Variants in SHOX observed in about 807,000 individuals in gnomAD.
SHOX encodes the protein short stature homeobox protein.
A neutral mutation model predicts 29.6 loss-of-function variants in SHOX; 12 were observed. The observed-to-expected ratio is 0.41, with a 90% confidence interval of 0.26 to 0.66. The LOEUF (loss-of-function observed/expected upper bound fraction) is 0.66, where lower values mean the gene tolerates loss of function less well. Among genes scored for constraint, SHOX ranks in the 30% least tolerant of loss-of-function variants. The probability of loss-of-function intolerance (pLI) is 0.35; values close to 1 mark genes in which losing one functional copy is unlikely to be tolerated. For synonymous variants in SHOX, 214 were observed against 200.6 expected (o/e 1.07, Z -0.57); for missense variants, 499 against 437.7 (o/e 1.14, Z -1.25).
chrX:653,331 G>C (rs1052201456), downstream of SHOX, among the ~76,000 whole-genome samples: 1 of 152,156 alleles, frequency 6.6e-6, no homozygotes, highest in East Asian at 1.9e-4. Flanking sequence ...TGTTTTACGT[G>C]GTTTGAGAGA....
chrX:656,841 T>TA, intron 5 of SHOX, among the ~76,000 whole-genome samples: 1 of 38,110 alleles, frequency 2.6e-5, no homozygotes, highest in Non-Finnish European at 5.0e-5. Context: ...AGACTCCGTC[T>TA]CAAAAAAAAA....
downstream of SHOX, among the ~76,000 whole-genome samples, chrX:652,016 G>C (rs774220899): frequency 2.3e-4 from 35 of 151,982 alleles, no homozygotes; most frequent in African/African-American, 8.2e-4. Flanking sequence ...TCCGCCTCCC[G>C]GGTTCAAGCG....
exon 1 of SHOX, chrX:624,509 C>T (rs1460695188): frequency 6.6e-6 from 1 of 152,036 alleles, no homozygotes; most frequent in African/African-American, 2.4e-5. Context: ...CAGCCCGAGT[C>T]CGCACAGGGT....
Position 644,581 on chromosome X carries a change from G to C in SHOX, c.824G>C (p.Ser275Thr). ...GCCAAAAGCAACAGCAAGAATTCCA[G>C]CATCGCCGACCTGCGGCTCAAGGCG... is the stretch of plus-strand genomic sequence containing the variant. Reference protein sequence around the residue: ...AAAKSNSKNSSIADLRLKARK... With the variant: ...AAAKSNSKNSTIADLRLKARK... The change falls in exon 5 of 5, where the codon AGC becomes ACC. Residue 275 changes from serine (S) to threonine (T), a missense_variant. Transcript: ENST00000686671. 1 of 1,514,730 alleles carries C rather than the reference G, an allele frequency of 6.6e-7. No homozygotes were observed. The highest frequency in any genetic ancestry group is 8.8e-7 in the Non-Finnish European group (1 of 1,138,228). The allele number at this position is 1,514,730 out of a possible 1,614,324, so 93.8% of individuals were successfully genotyped here. A position where few individuals can be genotyped will look rare whatever the true frequency, so the allele number is the denominator to read the frequency against.
At chrX:643,707 T>C (rs1244974052) in intron 4 of SHOX, among the ~76,000 whole-genome samples, 1 of 128,514 alleles carries the variant, frequency 7.8e-6, no homozygotes, top group East Asian at 2.4e-4. Context: ...CGGGAGAGGC[T>C]TGGACACCTG....
intron 2 of SHOX, among the ~76,000 whole-genome samples, chrX:635,232 T>C (rs1210224547): frequency 2.0e-5 from 3 of 152,060 alleles, no homozygotes; most frequent in African/African-American, 2.4e-5. Flanking sequence ...AAACAAAACT[T>C]TCCCTGGATT....
chrX:642,745 G>C (rs2052877896), intron 4 of SHOX, among the ~76,000 whole-genome samples: 1 of 152,126 alleles, frequency 6.6e-6, no homozygotes, highest in South Asian at 2.1e-4. Flanking sequence ...TGGTATCCCC[G>C]GGAGAGGCTT....
In SHOX at chrX:644,368, C is replaced by T. The variant is rs374112425; in HGVS notation, c.634-23C>T. The T allele has an allele frequency of 8.0e-4, 1,207 of 1,515,430 alleles. 3 individuals are homozygous for T. The highest frequency in any genetic ancestry group is 9.7e-4 in the Non-Finnish European group (1,110 of 1,139,232). The allele number at this position is 1,515,430 out of a possible 1,614,324, so 93.9% of individuals were successfully genotyped here. On this transcript the variant is annotated intron_variant, in intron 4 of 4. Transcript: ENST00000686671. ...CCCCAGTCCCCATCCTGCGCCCTCA[C>T]CCCGCCGGGTCCGCTCCCGCAGGTC...
At chrX:652,695 G>A (rs749442178), downstream of SHOX, among the ~76,000 whole-genome samples, 163 of 152,310 alleles carry the variant, frequency 1.1e-3, no homozygotes, top group African/African-American at 3.8e-3. Flanking sequence ...TTCAGAGGCC[G>A]TGTGTCCAGG....
upstream of SHOX, among the ~76,000 whole-genome samples, chrX:629,531 C>G (rs1446746412): frequency 6.6e-6 from 1 of 151,946 alleles, no homozygotes; most frequent in African/African-American, 2.4e-5. Flanking sequence ...CTGTCTCTCT[C>G]TCTCCATCTC....
chrX:658,260 C>G (rs1037467620), intron 5 of SHOX, among the ~76,000 whole-genome samples: 2 of 151,994 alleles, frequency 1.3e-5, no homozygotes, highest in African/African-American at 2.4e-5. Flanking sequence ...CAGACATGAG[C>G]CAGCACGCCC....
chrX:652,675 G>C, downstream of SHOX, among the ~76,000 whole-genome samples: 1 of 152,314 alleles, frequency 6.6e-6, no homozygotes, highest in East Asian at 1.9e-4. Flanking sequence ...CTCTTGGCCA[G>C]AGAAGGGGTT....
In SHOX at chrX:651,475, C is replaced by T; in HGVS notation, c.*6839C>T. Reference sequence around the variant, plus strand: ...GTGACGCCCTCATTCTCCTAACGTTCAATAATCTCAATGTTGAGTTGCAGC... The same window carrying T: ...GTGACGCCCTCATTCTCCTAACGTTTAATAATCTCAATGTTGAGTTGCAGC... On this transcript the variant is annotated 3_prime_UTR_variant, in exon 5 of 5. Transcript: ENST00000686671. 1 of 443,170 alleles carries T rather than the reference C, an allele frequency of 2.3e-6. No homozygotes were observed. The highest frequency in any genetic ancestry group is 4.5e-6 in the Non-Finnish European group (1 of 222,422). 27.5% of individuals were successfully genotyped at this position (443,170 alleles called of 1,614,324 possible).
upstream of SHOX, among the ~76,000 whole-genome samples, chrX:627,833 C>T (rs2052565916): frequency 6.6e-6 from 1 of 152,054 alleles, no homozygotes; most frequent in Non-Finnish European, 1.5e-5. Context: ...AAAGCCTGGT[C>T]CTTGGGGTTG....
intron 2 of SHOX, 72 bp downstream of exon 2, chrX:634,898 C>A: frequency 6.8e-7 from 1 of 1,466,714 alleles, no homozygotes; most frequent in Non-Finnish European, 9.2e-7. Context: ...AGCACGCGTA[C>A]AGCCACCTGC....
At chrX:641,426 C>T (rs182373136) in intron 4 of SHOX, among the ~76,000 whole-genome samples, 395 of 152,244 alleles carry the variant, frequency 2.6e-3, no homozygotes, top group Non-Finnish European at 3.2e-3. Context: ...TGGTGGCTCA[C>T]GCCTGTCATC....
chrX:656,704 G>A lies in SHOX; in HGVS notation c.634-2081G>A, dbSNP rs1005710942. On this transcript the variant is annotated intron_variant, in intron 5 of 5. Transcript: ENST00000334060. ...AAAATACAAAGAAAATTAGCCGGGC[G>A]TGGTGGCGGGCGCCTGTAGTCCCAG... Among the ~76,000 whole-genome samples the A allele has an allele frequency of 1.3e-3, 202 of 152,042 alleles. 1 individual carries two copies. The highest frequency in any genetic ancestry group is 2.4e-3 in the Non-Finnish European group (162 of 67,948).
At chrX:651,841 A>G (rs763654290), downstream of SHOX, among the ~76,000 whole-genome samples, 9 of 152,094 alleles carry the variant, frequency 5.9e-5, no homozygotes, top group East Asian at 1.7e-3. Flanking sequence ...TCCCCCCAGA[A>G]GGTGGCAAAA....
In SHOX at chrX:634,771, C is replaced by T. The variant is rs2052713810; in HGVS notation, c.431C>T (p.Ala144Val). Residue 144 changes from alanine (A) to valine (V), a missense_variant, in exon 2 of 5, where the codon GCC becomes GTC. By Grantham distance (64) the Ala-to-Val change is moderately conservative (BLOSUM62 0). Coordinates refer to ENST00000686671, the MANE Select transcript of SHOX (RefSeq NM_000451.4). Reference sequence around the variant, plus strand: ...TTCGACGAGACCCATTACCCCGACGCCTTCATGCGCGAGGAGCTCAGCCAG... The same window carrying T: ...TTCGACGAGACCCATTACCCCGACGTCTTCATGCGCGAGGAGCTCAGCCAG... ...RLFDETHYPD[A>V]FMREELSQRL... 2.5e-6 allele frequency: 4 copies of T among 1,606,584 alleles called. No individual in the cohort carries two copies. Among genetic ancestry groups the T allele is most frequent in the Non-Finnish European group, 2.5e-6 (3 of 1,176,752 alleles).
Sources: gnomAD v4.1 joint callset for allele counts (sites outside exome capture counted in the v4.1 genomes callset) on GRCh38, gnomAD v4.1.1 for gene constraint, MANE v1.5 for transcripts, NCBI Gene and HGNC (gene_info 2026-07-23, HGNC 2026-07-21) for gene names.